ZNF215: variants seen among roughly 807,000 people sequenced by gnomAD.
The protein encoded by ZNF215 is zinc finger protein 215.
ZNF215 carries 24 observed loss-of-function variants against 27.2 expected under a neutral mutation model. The ratio of observed to expected loss-of-function variants is 0.88; its 90% CI spans 0.64 to 1.24. ZNF215 has a LOEUF of 1.24. ZNF215 is among the 50% of genes most tolerant of loss of function. The probability of loss-of-function intolerance (pLI) is 0.00; values close to 1 mark genes in which losing one functional copy is unlikely to be tolerated. For missense variants in ZNF215, 675 were observed against 605.7 expected (o/e 1.11, Z -1.20); for synonymous variants, 210 against 204.0 (o/e 1.03, Z -0.25).
At chr11:6,934,847 T>C (rs910818218) in intron 3 of ZNF215, among the ~76,000 whole-genome samples, 2 of 152,108 alleles carry the variant, frequency 1.3e-5, no homozygotes, top group Non-Finnish European at 2.9e-5. Flanking sequence ...ATTCTGCCCA[T>C]CATGTGGGTT....
downstream of ZNF215, among the ~76,000 whole-genome samples, chr11:6,960,562 G>C (rs1850496470): frequency 6.6e-6 from 1 of 152,164 alleles, no homozygotes; most frequent in Non-Finnish European, 1.5e-5. Context: ...GGTAAAGCAA[G>C]TGCTTCACCC....
At chr11:6,982,473 C>A (rs923612035) in intron 5 of ZNF215, among the ~76,000 whole-genome samples, 3 of 152,080 alleles carry the variant, frequency 2.0e-5, no homozygotes, top group Admixed American at 1.3e-4. Flanking sequence ...AGCACCACAC[C>A]ACACCTATTC....
chr11:6,967,874 C>T lies in ZNF215; in HGVS notation c.805+12092C>T, dbSNP rs148397747. Among the ~76,000 whole-genome samples, 706 of 152,260 alleles carry T rather than the reference C, an allele frequency of 4.6e-3. 1 individual carries two copies. Among genetic ancestry groups the T allele is most frequent in the Middle Eastern group, 0.014 (4 of 294 alleles). On this transcript the variant is annotated intron_variant, in intron 5 of 5. Coordinates refer to the ZNF215 transcript ENST00000529903. ...CTGAAGTCTTTGGCCATGCCTATGT[C>T]CTGAATGGATTGCCTAGGTTTTCTT...
At chr11:6,955,154 T>A (rs1850276338) in intron 6 of ZNF215, among the ~76,000 whole-genome samples, 1 of 152,184 alleles carries the variant, frequency 6.6e-6, no homozygotes, top group African/African-American at 2.4e-5. Context: ...ATTAGAGTTC[T>A]TTTTGCCTTT....
chr11:6,951,472 G>T (rs1051409321), intron 6 of ZNF215, among the ~76,000 whole-genome samples: 33 of 152,192 alleles, frequency 2.2e-4, no homozygotes, highest in African/African-American at 7.7e-4. Flanking sequence ...GAGGGTGTAT[G>T]TGTCGAGGAA....
chr11:6,987,845 T>C (rs1448886603), downstream of ZNF215, among the ~76,000 whole-genome samples: 1 of 152,120 alleles, frequency 6.6e-6, no homozygotes, highest in African/African-American at 2.4e-5. Flanking sequence ...CTCTGACAAA[T>C]TACATGGCAT....
chr11:6,974,100 G>T (rs1320991922), intron 5 of ZNF215, among the ~76,000 whole-genome samples: 1 of 152,046 alleles, frequency 6.6e-6, no homozygotes, highest in Non-Finnish European at 1.5e-5. Flanking sequence ...TCCAGTTTCA[G>T]CTTTCTACAT....
chr11:6,957,214 GTTA>G lies in ZNF215; in HGVS notation c.*685_*687del. On this transcript the variant is annotated 3_prime_UTR_variant, in exon 7 of 7. Transcript: ENST00000278319. ...AAAAATGTTTTTGTTTTGTTATAAT[GTTA>G]TAATTGTTATGATGTTGATGAGAAA... The G allele has an allele frequency of 4.1e-6, 4 of 980,680 alleles. No homozygotes were observed. The South Asian group carries it at 1.4e-4, about 35-fold the overall frequency. 60.7% of individuals were successfully genotyped at this position (980,680 alleles called of 1,614,324 possible).
rs895961248 is a variant in ZNF215 at position 6,957,658 on chromosome 11, A to G, written c.*1127A>G. On this transcript the variant is annotated 3_prime_UTR_variant, in exon 7 of 7. Transcript: ENST00000278319. ...AACTCTTGTTTGTATCCATTAGTCT[A>G]TGGTAAAATTGGTTTTGTTATACAT... The G allele has an allele frequency of 1.5e-4, 108 of 714,514 alleles. 1 individual carries two copies. The highest frequency in any genetic ancestry group is 1.4e-3 in the Middle Eastern group (2 of 1,408). 44.3% of individuals were successfully genotyped at this position (714,514 alleles called of 1,614,324 possible).
At chr11:6,949,876 T>G (rs1207357407) in intron 6 of ZNF215, among the ~76,000 whole-genome samples, 1 of 152,226 alleles carries the variant, frequency 6.6e-6, no homozygotes, top group Non-Finnish European at 1.5e-5. Context: ...GTCTAACGTT[T>G]AAGTCTTTAA....
At chr11:6,949,924 G>T (rs1489572634) in intron 6 of ZNF215, among the ~76,000 whole-genome samples, 1 of 152,094 alleles carries the variant, frequency 6.6e-6, no homozygotes, top group Non-Finnish European at 1.5e-5. Context: ...GTGTAAGGAA[G>T]GGATCCAGTT....
downstream of ZNF215, among the ~76,000 whole-genome samples, chr11:6,959,103 G>A (rs531756719): frequency 6.6e-6 from 1 of 152,146 alleles, no homozygotes; most frequent in East Asian, 1.9e-4. Flanking sequence ...TCACATATTT[G>A]AGTTTTACTA....
At chr11:6,938,051 G>A (rs558484439) in intron 3 of ZNF215, among the ~76,000 whole-genome samples, 4 of 151,890 alleles carry the variant, frequency 2.6e-5, no homozygotes, top group East Asian at 1.9e-4. Context: ...TCAAGGCAGC[G>A]AAAAACCTAC....
chr11:6,992,580 G>A (rs191278964), downstream of ZNF215, among the ~76,000 whole-genome samples: 1 of 152,344 alleles, frequency 6.6e-6, no homozygotes, highest in Non-Finnish European at 1.5e-5. Context: ...TCGAGGACAG[G>A]ACTGACAGAT....
At chr11:6,982,935 C>CA (rs1388228127) in intron 5 of ZNF215, among the ~76,000 whole-genome samples, 27 of 150,006 alleles carry the variant, frequency 1.8e-4, no homozygotes, top group African/African-American at 6.7e-4. Flanking sequence ...AATAGAGACA[C>CA]AAAAAACCCT....
intron 3 of ZNF215, among the ~76,000 whole-genome samples, chr11:6,934,299 T>A (rs1278669610): frequency 6.6e-6 from 1 of 152,200 alleles, no homozygotes; most frequent in Non-Finnish European, 1.5e-5. Context: ...AATAATTCAT[T>A]GAAATTGTTG....
chr11:6,980,321 G>A (rs185969092), intron 5 of ZNF215, among the ~76,000 whole-genome samples: 65 of 152,114 alleles, frequency 4.3e-4, no homozygotes, highest in African/African-American at 1.5e-3. Context: ...AGGTTTAGAT[G>A]TAACTATAGC....
In ZNF215 at chr11:6,948,242, C is replaced by T. The variant is rs1447577777; in HGVS notation, c.712+4601C>T. ...ATATATTTACTCTCTCATAATAAGA[C>T]CCCCAGAGTCTCACCTACTATGGCA... is the stretch of plus-strand genomic sequence containing the variant. On this transcript the variant is annotated intron_variant, in intron 6 of 6. Coordinates refer to ENST00000278319, the MANE Select transcript of ZNF215 (RefSeq NM_013250.4). Among the ~76,000 whole-genome samples, 3 of 152,228 alleles carry T rather than the reference C, an allele frequency of 2.0e-5. No individual in the cohort carries two copies. In the East Asian group the frequency reaches 5.8e-4, roughly 29 times the overall value.
Position 6,957,587 on chromosome 11 carries a change from T to C in ZNF215, c.*1056T>C, listed in dbSNP as rs543964165. 1 of 218,908 alleles carries C rather than the reference T, an allele frequency of 4.6e-6. No individual in the cohort carries two copies. Among genetic ancestry groups the C allele is most frequent in the African/African-American group, 2.3e-5 (1 of 42,740 alleles). 13.6% of individuals were successfully genotyped at this position (218,908 alleles called of 1,614,324 possible). A position where few individuals can be genotyped will look rare whatever the true frequency, so the allele number is the denominator to read the frequency against. ...CTGATATTGGAAGCGTTTGGGGTCT[T>C]TAGAAGTTTGATGATGTTGTGACCA... On this transcript the variant is annotated 3_prime_UTR_variant, in exon 7 of 7. Transcript: ENST00000278319.
Sources: allele counts gnomAD v4.1 joint callset (sites outside exome capture counted in the v4.1 genomes callset), GRCh38; gene constraint gnomAD v4.1.1; transcripts MANE v1.5; gene names NCBI Gene and HGNC (gene_info 2026-07-23, HGNC 2026-07-21).